Variants in INPP5A observed in about 807,000 individuals in gnomAD.
INPP5A encodes 43 kDa inositol polyphosphate 5-phophatase.
INPP5A carries 14 observed loss-of-function variants against 65.2 expected under a neutral mutation model. That is an observed-to-expected ratio of 0.21 (90% CI 0.14 to 0.34). INPP5A has a LOEUF of 0.34. Ranked by LOEUF, INPP5A falls within the 10% of genes least tolerant of loss-of-function variation. The pLI, the probability that INPP5A is intolerant of heterozygous loss-of-function variation, is 1.00. For synonymous variants in INPP5A, 207 were observed against 208.3 expected, an observed-to-expected ratio of 0.99 and a Z score of 0.05; for missense variants, 431 against 545.6, an observed-to-expected ratio of 0.79 and a Z score of 2.09.
Position 132,651,254 on chromosome 10 carries a change from C to T in INPP5A, c.306+749C>T, listed in dbSNP as rs887487009. 6.6e-6 allele frequency among the ~76,000 whole-genome samples: 1 copy of T among 151,648 alleles called. No individual in the cohort carries two copies. The highest frequency in any genetic ancestry group is 2.0e-4 in the East Asian group (1 of 5,098). On this transcript the variant is annotated intron_variant, in intron 4 of 15. Transcript: ENST00000368594. This position sits in a 1 kb window ranked among gnomAD's most constrained non-coding sequence, Gnocchi z 5.0. ...CGGCCTGGATCCATCTCCCCCGTCT[C>T]TGGGGAGGCCCTGGGTCCCCCGGCC...
chr10:132,662,266 C>A (rs1281931363), intron 4 of INPP5A, among the ~76,000 whole-genome samples: 3 of 152,178 alleles, frequency 2.0e-5, no homozygotes, highest in African/African-American at 7.2e-5. Flanking sequence ...AAAATACACA[C>A]ACCGTATCAC....
chr10:132,613,256 ACCCCCTCCTTCCCGAGTCCCCCCGCAGGG>A lies in INPP5A; in HGVS notation c.117+5352_117+5380del, dbSNP rs766559262. On this transcript the variant is annotated intron_variant, in intron 2 of 15. Transcript: ENST00000368594. ...CCCCTGGAACGCCACGGCCCACAGG[ACCCCCTCCTTCCCGAGTCCCCCCGCAGGG>A]CCCCCTCCTTCCCGAGTCCCCCCGC... is the stretch of plus-strand genomic sequence containing the variant. Among the ~76,000 whole-genome samples the A allele has an allele frequency of 1.6e-3, 223 of 142,588 alleles. 2 individuals are homozygous for A. Among genetic ancestry groups the A allele is most frequent in the East Asian group, 6.1e-3 (29 of 4,722 alleles). 93.5% of individuals were successfully genotyped at this position (142,588 alleles called of 152,430 possible).
intron 1 of INPP5A, among the ~76,000 whole-genome samples, chr10:132,553,674 T>C (rs79306195): frequency 0.01 from 1,050 of 103,120 alleles, 60 homozygotes; most frequent in Admixed American, 0.082. Flanking sequence ...GATTGGTGAA[T>C]GCCTTCTCAG....
Position 132,547,167 on chromosome 10 carries a change from G to A in INPP5A, c.75+8996G>A, listed in dbSNP as rs1417828586. ...GGCCCCACCTCTCCTCGCATGTGCGGCCTTGGGCTGTGTTTCACCTGTCAG... is the reference window on the plus strand; with the variant it reads ...GGCCCCACCTCTCCTCGCATGTGCGACCTTGGGCTGTGTTTCACCTGTCAG... On this transcript the variant is annotated intron_variant, in intron 1 of 15. Coordinates refer to ENST00000368594, the MANE Select transcript of INPP5A (RefSeq NM_005539.5). The surrounding 1 kb of genome is among the most constrained non-coding windows in gnomAD (Gnocchi z 5.5). Among the ~76,000 whole-genome samples, 2 of 152,242 alleles carry A rather than the reference G, an allele frequency of 1.3e-5. No individual in the cohort carries two copies. The highest frequency in any genetic ancestry group is 3.8e-4 in the East Asian group (2 of 5,196).
chr10:132,710,212 C>T, intron 7 of INPP5A, 125 bp from the exon 8 acceptor site: 1 of 1,103,736 alleles, frequency 9.1e-7, no homozygotes, highest in Non-Finnish European at 1.3e-6. Flanking sequence ...GGTGCCCCGC[C>T]TCGGGTGGCT....
chr10:132,746,643 G>A (rs1408323189), intron 9 of INPP5A, among the ~76,000 whole-genome samples: 2 of 152,110 alleles, frequency 1.3e-5, no homozygotes, highest in African/African-American at 4.8e-5. Flanking sequence ...GGCACACAGC[G>A]TTCCCGTTAA....
intron 1 of INPP5A, among the ~76,000 whole-genome samples, chr10:132,601,629 A>G (rs2071778765): frequency 6.6e-6 from 1 of 152,232 alleles, no homozygotes; most frequent in African/African-American, 2.4e-5. Context: ...TTATAGTTTT[A>G]GATTTTTGAT....
At chr10:132,700,806 A>G (rs1343684941) in intron 6 of INPP5A, among the ~76,000 whole-genome samples, 4 of 152,238 alleles carry the variant, frequency 2.6e-5, no homozygotes, top group African/African-American at 9.6e-5. Context: ...GCAGTCTCAG[A>G]TAATTACAGC....
At chr10:132,739,524 A>G (rs1297072247) in intron 9 of INPP5A, among the ~76,000 whole-genome samples, 1 of 152,214 alleles carries the variant, frequency 6.6e-6, no homozygotes, top group East Asian at 1.9e-4. Flanking sequence ...GTGTGCTAAT[A>G]GGTCCTAGTA....
At chr10:132,641,388 A>G (rs1027842611) in intron 2 of INPP5A, among the ~76,000 whole-genome samples, 1 of 152,230 alleles carries the variant, frequency 6.6e-6, no homozygotes, top group African/African-American at 2.4e-5. Flanking sequence ...TGTCTCCTAG[A>G]TGGAGTTTAT....
At chr10:132,719,653 G>A (rs569899843) in intron 8 of INPP5A, among the ~76,000 whole-genome samples, 1 of 149,314 alleles carries the variant, frequency 6.7e-6, no homozygotes, top group African/African-American at 2.5e-5. Flanking sequence ...TGTGGTACCT[G>A]GGTTCTGTCT....
chr10:132,609,793 C>T (rs531023034), intron 2 of INPP5A, among the ~76,000 whole-genome samples: 80 of 152,100 alleles, frequency 5.3e-4, no homozygotes, highest in Non-Finnish European at 8.1e-4. Flanking sequence ...TACAGGCACC[C>T]GCCACCATGC....
intron 1 of INPP5A, among the ~76,000 whole-genome samples, chr10:132,579,827 C>T (rs1248114578): frequency 1.3e-5 from 2 of 151,998 alleles, no homozygotes; most frequent in African/African-American, 2.4e-5. Context: ...ACCCCTGCTT[C>T]GTCATCCACC....
At chr10:132,596,706 A>G (rs1424967695) in intron 1 of INPP5A, among the ~76,000 whole-genome samples, 1 of 152,128 alleles carries the variant, frequency 6.6e-6, no homozygotes, top group African/African-American at 2.4e-5. Flanking sequence ...CTGGGATTAC[A>G]GGCGTGAGCC....
rs1037208860 is a variant in INPP5A at position 132,678,192 on chromosome 10, C to A, written c.307-12200C>A. On this transcript the variant is annotated intron_variant, in intron 4 of 15. Coordinates refer to ENST00000368594, the MANE Select transcript of INPP5A (RefSeq NM_005539.5). The surrounding 1 kb of genome is among the most constrained non-coding windows in gnomAD (Gnocchi z 4.1). The stretch of plus-strand genomic sequence containing the variant: ...CTCCTCTGAGAGCGGACGGTCACAG[C>A]CCCCCGTATGCTGCCTGGGGGTGGC... Among the ~76,000 whole-genome samples the A allele has an allele frequency of 6.6e-6, 1 of 152,140 alleles. No homozygotes were observed. Among genetic ancestry groups the A allele is most frequent in the African/African-American group, 2.4e-5 (1 of 41,430 alleles).
chr10:132,594,810 C>T (rs1235817052), intron 1 of INPP5A, among the ~76,000 whole-genome samples: 3 of 152,126 alleles, frequency 2.0e-5, no homozygotes, highest in South Asian at 2.1e-4. Flanking sequence ...CTCTGGTAGG[C>T]GGTCCCCCTG....
At chr10:132,750,907 C>T (rs531691107) in intron 11 of INPP5A, among the ~76,000 whole-genome samples, 18 of 152,196 alleles carry the variant, frequency 1.2e-4, no homozygotes, top group Admixed American at 6.5e-5. Flanking sequence ...ACTGCAGCCG[C>T]GTTCACATCC....
intron 11 of INPP5A, among the ~76,000 whole-genome samples, chr10:132,756,357 T>C (rs1846615842): frequency 6.6e-6 from 1 of 152,088 alleles, no homozygotes; most frequent in African/African-American, 2.4e-5. Flanking sequence ...CATGTGTGTG[T>C]ACACGTGTGC....
At chr10:132,664,172 C>T (rs1041088206) in intron 4 of INPP5A, among the ~76,000 whole-genome samples, 4 of 152,202 alleles carry the variant, frequency 2.6e-5, no homozygotes, top group Non-Finnish European at 5.9e-5. Context: ...CTTCCGGAGC[C>T]CCGTGAGCTG....
Sources: gnomAD v4.1 joint callset for allele counts (sites outside exome capture counted in the v4.1 genomes callset) on GRCh38, gnomAD v4.1.1 for gene constraint, Gnocchi (gnomAD v3.1) non-coding constraint, MANE v1.5 for transcripts, NCBI Gene and HGNC (gene_info 2026-07-23, HGNC 2026-07-21) for gene names.